SEPTIN9: variants seen among roughly 807,000 people sequenced by gnomAD.
SEPTIN9 encodes septin 9, also known as septin-9.
A neutral mutation model predicts 56.6 loss-of-function variants in SEPTIN9; 13 were observed. The ratio of observed to expected loss-of-function variants is 0.23; its 90% CI spans 0.15 to 0.37. The LOEUF (loss-of-function observed/expected upper bound fraction) is 0.37. SEPTIN9 is among the 10% of genes least tolerant of loss of function. SEPTIN9 has a pLI of 1.00. For missense variants in SEPTIN9, 650 were observed against 823.1 expected, an observed-to-expected ratio of 0.79 and a Z score of 2.57; for synonymous variants, 332 against 334.1, an observed-to-expected ratio of 0.99 and a Z score of 0.07.
rs1273118773 is a variant in SEPTIN9 at position 77,490,600 on chromosome 17, G to T, written c.1263-142G>T. The T allele has an allele frequency of 2.1e-5, 14 of 680,264 alleles. No individual in the cohort carries two copies. The East Asian group carries it at 3.8e-4, about 19-fold the overall frequency. 42.1% of individuals were successfully genotyped at this position (680,264 alleles called of 1,614,324 possible). Reference sequence around the variant, plus strand: ...CCCACACTCACAGCGTGGCCGACTCGGCCCGGGGCCCTGTCCTTGCCAGCA... The same window carrying T: ...CCCACACTCACAGCGTGGCCGACTCTGCCCGGGGCCCTGTCCTTGCCAGCA... On this transcript the variant is annotated intron_variant, in intron 7 of 11. Transcript: ENST00000427177.
intron 2 of SEPTIN9, among the ~76,000 whole-genome samples, chr17:77,332,428 T>G (rs368304089): frequency 6.6e-6 from 1 of 152,218 alleles, no homozygotes; most frequent in African/African-American, 2.4e-5. Context: ...CTGGTTTTGA[T>G]GCACTTAAAA....
At position 77,319,977 on chromosome 17, in the gene SEPTIN9, C is replaced by G; in HGVS notation, c.76+12780C>G. The G allele has an allele frequency of 8.2e-7, 1 of 1,219,142 alleles. No individual in the cohort carries two copies. The highest frequency in any genetic ancestry group is 1.0e-6 in the Non-Finnish European group (1 of 973,164). The allele number at this position is 1,219,142 out of a possible 1,614,324, so 75.5% of individuals were successfully genotyped here. On this transcript the variant is annotated intron_variant, in intron 2 of 11. Transcript: ENST00000427177. This position sits in a 1 kb window ranked among gnomAD's most constrained non-coding sequence, Gnocchi z 5.3. Reference sequence around the variant, plus strand: ...CGGGCGGCCGGGACTCTGGGACTCTCGCAGGCAGACCCGGTGGTCTGCCGG... The same window carrying G: ...CGGGCGGCCGGGACTCTGGGACTCTGGCAGGCAGACCCGGTGGTCTGCCGG...
intron 3 of SEPTIN9, among the ~76,000 whole-genome samples, chr17:77,480,560 G>A (rs2039414009): frequency 6.6e-6 from 1 of 152,242 alleles, no homozygotes; most frequent in Admixed American, 6.5e-5. Context: ...TGAGGAGTGG[G>A]CGTGGGCCGG....
rs754460598 is a variant in SEPTIN9 at position 77,429,250 on chromosome 17, G to GTGACCTTGATCTGACCGTAATT, written c.721+26549_721+26570dup. On this transcript the variant is annotated intron_variant, in intron 3 of 11. Transcript: ENST00000427177. The surrounding 1 kb of genome is among the most constrained non-coding windows in gnomAD (Gnocchi z 5.2). ...TTGCAGGTGGAGAAGCTCGTTGACCGTGACCTTGATCTGACCGTAATTTTG... is the reference window on the plus strand; with the variant it reads ...TTGCAGGTGGAGAAGCTCGTTGACCGTGACCTTGATCTGACCGTAATTTGACCTTGATCTGACCGTAATTTTG... The GTGACCTTGATCTGACCGTAATT allele has an allele frequency of 6.6e-5, 31 of 471,138 alleles. No individual in the cohort carries two copies. Among genetic ancestry groups the GTGACCTTGATCTGACCGTAATT allele is most frequent in the South Asian group, 4.6e-4 (30 of 64,576 alleles). 29.2% of individuals were successfully genotyped at this position (471,138 alleles called of 1,614,324 possible). A position where few individuals can be genotyped will look rare whatever the true frequency, so the allele number is the denominator to read the frequency against.
intron 3 of SEPTIN9, among the ~76,000 whole-genome samples, chr17:77,447,667 C>T (rs1052856784): frequency 2.6e-5 from 4 of 152,386 alleles, no homozygotes; most frequent in South Asian, 2.1e-4. Context: ...CTCTGTCGCC[C>T]AGGCTGGAGT....
intron 1 of SEPTIN9, among the ~76,000 whole-genome samples, chr17:77,303,186 C>T (rs866595350): frequency 6.0e-5 from 9 of 151,122 alleles, no homozygotes; most frequent in South Asian, 2.1e-4. Flanking sequence ...CTGCAACCTC[C>T]GTCTCCTGGG....
At chr17:77,314,328 C>T (rs1009957602) in intron 2 of SEPTIN9, among the ~76,000 whole-genome samples, 1 of 148,840 alleles carries the variant, frequency 6.7e-6, no homozygotes, top group African/African-American at 2.5e-5. Flanking sequence ...AGGCATGAGC[C>T]ACTGTGCCTG....
intron 2 of SEPTIN9, among the ~76,000 whole-genome samples, chr17:77,325,374 C>A (rs908285401): frequency 6.6e-6 from 1 of 152,232 alleles, no homozygotes; most frequent in Non-Finnish European, 1.5e-5. Flanking sequence ...CACTTCTCTT[C>A]TTTTCTCACG....
rs1334259927 is a variant in SEPTIN9 at position 77,434,632 on chromosome 17, A to C, written c.721+31929A>C. 6.6e-6 allele frequency among the ~76,000 whole-genome samples: 1 copy of C among 152,116 alleles called. No individual in the cohort carries two copies. The highest frequency in any genetic ancestry group is 6.5e-5 in the Admixed American group (1 of 15,270). ...CAGGACCTGCACCATGACCCCCGTC[A>C]AAGCTCACGTCCAAGGCATTTGTGG... On this transcript the variant is annotated intron_variant, in intron 3 of 11. Coordinates refer to ENST00000427177, the MANE Select transcript of SEPTIN9 (RefSeq NM_001113491.2). This position sits in a 1 kb window ranked among gnomAD's most constrained non-coding sequence, Gnocchi z 5.0.
intron 11 of SEPTIN9, 99 bp from the exon 12 acceptor site, chr17:77,498,424 G>A (rs1368419728): frequency 5.4e-6 from 4 of 743,618 alleles, no homozygotes; most frequent in Non-Finnish European, 9.3e-6. Flanking sequence ...GTGGGGGCAG[G>A]CGGGCCTGAG....
Position 77,281,714 on chromosome 17 carries a change from C to T in SEPTIN9, c.19+160C>T, listed in dbSNP as rs1037039051. ...GTTCCTCCCAGGACAGGGCCGCTGT[C>T]GGGCCGCTTTCGACCTGAGCCGACC... On this transcript the variant is annotated intron_variant, in intron 1 of 11. Coordinates refer to ENST00000427177, the MANE Select transcript of SEPTIN9 (RefSeq NM_001113491.2). 30 of 657,742 alleles carry T rather than the reference C, an allele frequency of 4.6e-5. No homozygotes were observed. In the African/African-American group the frequency reaches 5.2e-4, roughly 12 times the overall value. 40.7% of individuals were successfully genotyped at this position (657,742 alleles called of 1,614,324 possible). A position where few individuals can be genotyped will look rare whatever the true frequency, so the allele number is the denominator to read the frequency against.
intron 2 of SEPTIN9, chr17:77,373,718 C>T: frequency 7.6e-7 from 1 of 1,308,894 alleles, no homozygotes. Context: ...CGCCCCCGGC[C>T]CCGTGCCCGC....
Position 77,286,276 on chromosome 17 carries a change from G to A in SEPTIN9, c.19+4722G>A, listed in dbSNP as rs112733668. 29 of 152,514 alleles carry A rather than the reference G, an allele frequency of 1.9e-4. No homozygotes were observed. The East Asian group carries it at 2.1e-3, about 11-fold the overall frequency. 9.4% of individuals were successfully genotyped at this position (152,514 alleles called of 1,614,324 possible). ...CAGGCAGGGGCCACCTGCCCTGCCC[G>A]CTCACGCCAGACCGCAGGCACTTGC... On this transcript the variant is annotated intron_variant, in intron 1 of 11. Coordinates refer to ENST00000427177, the MANE Select transcript of SEPTIN9 (RefSeq NM_001113491.2).
chr17:77,340,012 G>C (rs2033677636), intron 2 of SEPTIN9, among the ~76,000 whole-genome samples: 1 of 148,832 alleles, frequency 6.7e-6, no homozygotes, highest in Non-Finnish European at 1.5e-5. Context: ...TTTTAATAGA[G>C]ATGAGGTTTC....
In SEPTIN9 at chr17:77,450,024, C is replaced by G. The variant is rs745316424; in HGVS notation, c.722-32120C>G. ...CCCATTCAGATGGGAACAGGGACTC[C>G]GGGCATGCAGTCTTCTCCCAGACAC... On this transcript the variant is annotated intron_variant, in intron 3 of 11. Transcript: ENST00000427177. The surrounding 1 kb of genome is among the most constrained non-coding windows in gnomAD (Gnocchi z 6.0). Among the ~76,000 whole-genome samples the G allele has an allele frequency of 1.3e-5, 2 of 152,042 alleles. No individual in the cohort carries two copies. Among genetic ancestry groups the G allele is most frequent in the South Asian group, 2.1e-4 (1 of 4,710 alleles).
chr17:77,307,106 C>T, intron 1 of SEPTIN9, 35 bp from the exon 2 acceptor site: 1 of 1,607,086 alleles, frequency 6.2e-7, no homozygotes, highest in East Asian at 2.2e-5. Flanking sequence ...CGCCAGTGGC[C>T]TTGTGTGACC....
At chr17:77,364,197 G>A (rs760745105) in intron 2 of SEPTIN9, among the ~76,000 whole-genome samples, 4 of 152,216 alleles carry the variant, frequency 2.6e-5, no homozygotes, top group African/African-American at 4.8e-5. Context: ...CGCACCCCGC[G>A]CTTCCTGTCT....
intron 2 of SEPTIN9, among the ~76,000 whole-genome samples, chr17:77,314,889 T>C (rs2032640482): frequency 6.6e-6 from 1 of 152,134 alleles, no homozygotes; most frequent in Admixed American, 6.5e-5. Flanking sequence ...GGGATGAAGC[T>C]GTGCTTCGTG....
chr17:77,327,178 C>G lies in SEPTIN9; in HGVS notation c.76+19981C>G, dbSNP rs1204432354. The stretch of plus-strand genomic sequence containing the variant: ...TCTGGCAATGCCTCCCTCTCCTGGG[C>G]TCCTGGGACCCCTCCGGCCCCACCA... On this transcript the variant is annotated intron_variant, in intron 2 of 11. Coordinates refer to ENST00000427177, the MANE Select transcript of SEPTIN9 (RefSeq NM_001113491.2). The surrounding 1 kb of genome is among the most constrained non-coding windows in gnomAD (Gnocchi z 5.0). Among the ~76,000 whole-genome samples, 4 of 152,124 alleles carry G rather than the reference C, an allele frequency of 2.6e-5. No homozygotes were observed. The highest frequency in any genetic ancestry group is 9.7e-5 in the African/African-American group (4 of 41,422).
Sources: allele counts gnomAD v4.1 joint callset (sites outside exome capture counted in the v4.1 genomes callset), GRCh38; gene constraint gnomAD v4.1.1; non-coding constraint Gnocchi (gnomAD v3.1); transcripts MANE v1.5; gene names NCBI Gene and HGNC (gene_info 2026-07-23, HGNC 2026-07-21).